The following PCCB variants were observed in gnomAD, a reference collection of about 807,000 sequenced individuals.
The protein encoded by PCCB is propionyl-CoA carboxylase beta chain, mitochondrial.
Under a neutral mutation model 60.7 loss-of-function variants are expected in PCCB, and 43 were observed. That is an observed-to-expected ratio of 0.71 (90% CI 0.55 to 0.91). The LOEUF (loss-of-function observed/expected upper bound fraction) is 0.91. PCCB is among the 40% of genes least tolerant of loss of function. The pLI is 0.00. For missense variants in PCCB, 766 were observed against 702.8 expected, an observed-to-expected ratio of 1.09 and a Z score of -1.02; for synonymous variants, 276 against 255.9, an observed-to-expected ratio of 1.08 and a Z score of -0.75.
At chr3:136,325,953 A>G (rs983215556) in intron 10 of PCCB, among the ~76,000 whole-genome samples, 3 of 152,068 alleles carry the variant, frequency 2.0e-5, no homozygotes, top group Non-Finnish European at 2.9e-5. Context: ...AGCTGGGACT[A>G]CAGGTACCCG....
At chr3:136,313,977 T>C (rs1934774880) in intron 9 of PCCB, among the ~76,000 whole-genome samples, 1 of 152,170 alleles carries the variant, frequency 6.6e-6, no homozygotes, top group Non-Finnish European at 1.5e-5. Flanking sequence ...ATTAGAATTA[T>C]CAGCATGAAC....
chr3:136,289,097 A>G (rs1321977621), intron 6 of PCCB, among the ~76,000 whole-genome samples: 1 of 152,044 alleles, frequency 6.6e-6, no homozygotes, highest in Non-Finnish European at 1.5e-5. Context: ...GCCTCAAGTA[A>G]TCCTCTCACC....
intron 10 of PCCB, among the ~76,000 whole-genome samples, chr3:136,324,452 T>A (rs1004760593): frequency 1.3e-5 from 2 of 152,210 alleles, no homozygotes; most frequent in Non-Finnish European, 2.9e-5. Context: ...GTAATAGTGT[T>A]TTCATTTTCA....
intron 5 of PCCB, among the ~76,000 whole-genome samples, chr3:136,267,718 C>G (rs112452404): frequency 2.0e-5 from 3 of 152,072 alleles, no homozygotes; most frequent in Admixed American, 1.3e-4. Context: ...AACTTCTGGA[C>G]TTAAACTGTC....
intron 10 of PCCB, among the ~76,000 whole-genome samples, chr3:136,319,068 C>T (rs1935015427): frequency 6.6e-6 from 1 of 152,152 alleles, no homozygotes; most frequent in Non-Finnish European, 1.5e-5. Context: ...CACATCCTTG[C>T]CAACACTTAT....
intron 4 of PCCB, among the ~76,000 whole-genome samples, chr3:136,260,847 T>A (rs2108144983): frequency 6.6e-6 from 1 of 152,340 alleles, no homozygotes; most frequent in South Asian, 2.1e-4. Flanking sequence ...AATAACAAGA[T>A]TTAGCAGTAG....
intron 10 of PCCB, among the ~76,000 whole-genome samples, chr3:136,324,374 C>T (rs1194618697): frequency 6.6e-6 from 1 of 152,186 alleles, no homozygotes; most frequent in African/African-American, 2.4e-5. Flanking sequence ...GATGCTTAGC[C>T]AAACTTGAAC....
intron 9 of PCCB, among the ~76,000 whole-genome samples, chr3:136,311,010 A>AC (rs1458113143): frequency 6.6e-6 from 1 of 152,196 alleles, no homozygotes; most frequent in East Asian, 1.9e-4. Flanking sequence ...AGGATTAGGA[A>AC]CAAGTATAGG....
intron 5 of PCCB, among the ~76,000 whole-genome samples, chr3:136,267,304 G>A (rs1232575064): frequency 6.6e-6 from 1 of 152,070 alleles, no homozygotes; most frequent in Non-Finnish European, 1.5e-5. Context: ...TCCTGCCTTA[G>A]CCTACGGAGT....
chr3:136,327,276 G>A (rs113782999), intron 12 of PCCB, 21 bp downstream of exon 12: 1 of 1,576,492 alleles, frequency 6.3e-7, no homozygotes, highest in South Asian at 1.1e-5. Flanking sequence ...CATGTTGGAG[G>A]CCATGACCCT....
Position 136,255,906 on chromosome 3 carries a change from C to T in PCCB, c.234C>T (p.Ser78=). ...ERISLLLDPG[S]FVESDMFVEH... Reference sequence around the variant, plus strand: ...TCAGTCTCTTGCTGGACCCTGGCAGCTTTGTTGAGAGCGACATGTTTGTGG... The same window carrying T: ...TCAGTCTCTTGCTGGACCCTGGCAGTTTTGTTGAGAGCGACATGTTTGTGG... The change falls in exon 2 of 15, where the codon AGC becomes AGT. Residue 78 remains serine, a synonymous_variant. Coordinates refer to ENST00000251654, the MANE Select transcript of PCCB (RefSeq NM_000532.5). 6.2e-7 allele frequency: 1 copy of T among 1,613,938 alleles called. No individual in the cohort carries two copies. Among genetic ancestry groups the T allele is most frequent in the African/African-American group, 1.3e-5 (1 of 74,936 alleles).
chr3:136,285,929 A>G (rs1469519843), intron 6 of PCCB, among the ~76,000 whole-genome samples: 1 of 152,236 alleles, frequency 6.6e-6, no homozygotes, highest in East Asian at 1.9e-4. Flanking sequence ...AGTGCAGTGG[A>G]AAATACTAAG....
rs534026512 is a variant in PCCB, at chr3:136,287,283, A to G, written c.654+3336A>G. Among the ~76,000 whole-genome samples, 18 of 152,302 alleles carry G rather than the reference A, an allele frequency of 1.2e-4. No individual in the cohort carries two copies. The South Asian group carries it at 3.5e-3, about 30-fold the overall frequency. ...TGTTTTGACCTTTACGTTAAGTGAA[A>G]CCATATAATATGCTTTCTTGTGTGC... On this transcript the variant is annotated intron_variant, in intron 6 of 14. Transcript: ENST00000251654.
At chr3:136,260,227 C>A in intron 3 of PCCB, 1 of 533,928 alleles carries the variant, frequency 1.9e-6, no homozygotes, top group Non-Finnish European at 3.4e-6. Context: ...GCATGTGCCA[C>A]CATGCGCAGC....
chr3:136,260,271 T>C (rs1206680599), intron 3 of PCCB: 2 of 653,002 alleles, frequency 3.1e-6, no homozygotes, highest in Non-Finnish European at 5.6e-6. Flanking sequence ...AGATACGGGC[T>C]TCTGCCATGT....
chr3:136,275,034 A>C (rs977753770), intron 5 of PCCB, among the ~76,000 whole-genome samples: 1 of 152,024 alleles, frequency 6.6e-6, no homozygotes, highest in African/African-American at 2.4e-5. Flanking sequence ...GCTGGTCTCA[A>C]AGTCTGGGCT....
intron 5 of PCCB, among the ~76,000 whole-genome samples, chr3:136,265,067 G>A (rs888828925): frequency 1.4e-4 from 21 of 152,014 alleles, no homozygotes; most frequent in Admixed American, 7.9e-4. Context: ...GATGGCGAGC[G>A]CCTGTAATCC....
chr3:136,261,699 T>C (rs967598026), intron 4 of PCCB, among the ~76,000 whole-genome samples: 1 of 152,098 alleles, frequency 6.6e-6, no homozygotes, highest in Non-Finnish European at 1.5e-5. Context: ...TTGCCATGAG[T>C]TGTTTTATCC....
chr3:136,299,910 A>G (rs1934174475), intron 8 of PCCB, among the ~76,000 whole-genome samples: 1 of 151,918 alleles, frequency 6.6e-6, no homozygotes. Context: ...ATATGTATGC[A>G]TGTATATGTA....
Sources: gnomAD v4.1 joint callset for allele counts (sites outside exome capture counted in the v4.1 genomes callset) on GRCh38, gnomAD v4.1.1 for gene constraint, MANE v1.5 for transcripts, NCBI Gene and HGNC (gene_info 2026-07-23, HGNC 2026-07-21) for gene names.